The following URB1 variants were observed in gnomAD, a reference collection of about 807,000 sequenced individuals.
The protein encoded by URB1 is URB1 ribosome biogenesis factor, also known as nucleolar pre-ribosomal-associated protein 1.
URB1 carries 197 observed loss-of-function variants against 242.3 expected under a neutral mutation model. The ratio of observed to expected loss-of-function variants is 0.81; its 90% CI spans 0.72 to 0.91. The LOEUF (loss-of-function observed/expected upper bound fraction) is 0.91, where lower values mean the gene tolerates loss of function less well. Ranked by LOEUF, URB1 falls within the 40% of genes least tolerant of loss-of-function variation. The pLI is 0.00. For synonymous variants in URB1, 1,153 were observed against 1,201.8 expected, an observed-to-expected ratio of 0.96 and a Z score of 0.84; for missense variants, 2,721 against 2,860.5, an observed-to-expected ratio of 0.95 and a Z score of 1.11.
In URB1 at chr21:32,334,346, A is replaced by G. The variant is rs1005550059; in HGVS notation, c.4686-12T>C. The G allele has an allele frequency of 2.0e-6, 3 of 1,536,970 alleles. No individual in the cohort carries two copies. The African/African-American group carries it at 4.1e-5, about 21-fold the overall frequency. On this transcript the variant is annotated splice_polypyrimidine_tract_variant and intron_variant, in intron 28 of 38. Transcript: ENST00000382751. ...CCCACAGCAGCACCCTAGAGCCAGA[A>G]AAGGGAAAAGAGACTGGTCACAGAG... is the stretch of plus-strand genomic sequence containing the variant.
chr21:32,318,062 G>T, intron 36 of URB1, 145 bp from the exon 37 acceptor site: 1 of 1,127,678 alleles, frequency 8.9e-7, no homozygotes, highest in Non-Finnish European at 1.2e-6. Context: ...CAGACATCTA[G>T]CATGGGCCCC....
intron 4 of URB1, among the ~76,000 whole-genome samples, chr21:32,381,874 G>A (rs1200465394): frequency 6.6e-6 from 1 of 152,130 alleles, no homozygotes; most frequent in East Asian, 1.9e-4. Flanking sequence ...GGTTCCTCAC[G>A]CTGCTCTATT....
intron 30 of URB1, among the ~76,000 whole-genome samples, chr21:32,328,122 C>A (rs566764938): frequency 1.1e-4 from 16 of 152,268 alleles, no homozygotes; most frequent in East Asian, 5.8e-4. Context: ...AGTTTAGGAA[C>A]AAAATTTTCT....
intron 36 of URB1, 60 bp from the exon 37 acceptor site, chr21:32,317,977 C>T (rs2032714467): frequency 6.5e-7 from 1 of 1,537,382 alleles, no homozygotes; most frequent in Non-Finnish European, 8.8e-7. Context: ...TGGCAGTCAG[C>T]ACTGCGGCAC....
At chr21:32,383,297 T>G in intron 4 of URB1, 125 bp downstream of exon 4, 1 of 1,270,524 alleles carries the variant, frequency 7.9e-7, no homozygotes, top group East Asian at 2.7e-5. Flanking sequence ...GACACACACC[T>G]TTCTACATAG....
At position 32,341,447 on chromosome 21, in the gene URB1, G is replaced by C; in HGVS notation, c.4316+19C>G. 1 of 1,551,118 alleles carries C rather than the reference G, an allele frequency of 6.4e-7. No individual in the cohort carries two copies. The highest frequency in any genetic ancestry group is 8.7e-7 in the Non-Finnish European group (1 of 1,146,708). ...TCACACCTTTACCGAAGGGCACCAAGAAAATAAAATCAACTTACTTGAGTC... is the reference window on the plus strand; with the variant it reads ...TCACACCTTTACCGAAGGGCACCAACAAAATAAAATCAACTTACTTGAGTC... On this transcript the variant is annotated intron_variant, in intron 25 of 38. Transcript: ENST00000382751.
intron 23 of URB1, among the ~76,000 whole-genome samples, chr21:32,344,984 C>G (rs118080576): frequency 6.6e-6 from 1 of 152,172 alleles, no homozygotes; most frequent in African/African-American, 2.4e-5. Context: ...GAAAAGGACA[C>G]GTATGTCCAG....
Position 32,334,290 on chromosome 21 carries a change from C to A in URB1, c.4730G>T (p.Cys1577Phe). The change falls in exon 29 of 39, where the codon TGC becomes TTC. Residue 1577 changes from cysteine to phenylalanine, a missense_variant. Transcript: ENST00000382751. Reference sequence around the variant, plus strand: ...CCACAGTGACCTGCCCAGGCTCCGGCACGTCTTGTGATGCTCCACGGCCGC... The same window carrying A: ...CCACAGTGACCTGCCCAGGCTCCGGAACGTCTTGTGATGCTCCACGGCCGC... Reference protein sequence around the residue: ...GPAAVEHHKTCRSLGRSLWQQ... With the variant: ...GPAAVEHHKTFRSLGRSLWQQ... 6.4e-7 allele frequency: 1 copy of A among 1,551,552 alleles called. No individual in the cohort carries two copies. The highest frequency in any genetic ancestry group is 8.7e-7 in the Non-Finnish European group (1 of 1,146,934).
At chr21:32,377,163 G>GT (rs535925889) in intron 5 of URB1, 225 of 516,586 alleles carry the variant, frequency 4.4e-4, no homozygotes, top group Non-Finnish European at 6.7e-4. Flanking sequence ...TATCTTAAAA[G>GT]TTTTTTTATC....
At chr21:32,321,403 G>A (rs1303494829) in intron 34 of URB1, among the ~76,000 whole-genome samples, 1 of 152,084 alleles carries the variant, frequency 6.6e-6, no homozygotes, top group Admixed American at 6.5e-5. Context: ...GTGGAATCCT[G>A]GTGATTCAAA....
At chr21:32,316,102 C>A (rs956511648) in intron 38 of URB1, among the ~76,000 whole-genome samples, 2 of 152,246 alleles carry the variant, frequency 1.3e-5, no homozygotes, top group Non-Finnish European at 2.9e-5. Context: ...AGCATACGCA[C>A]GCACGCGCAC....
intron 24 of URB1, among the ~76,000 whole-genome samples, chr21:32,342,206 C>T (rs1221227846): frequency 6.6e-6 from 1 of 152,132 alleles, no homozygotes; most frequent in Non-Finnish European, 1.5e-5. Flanking sequence ...TTGTAATTAG[C>T]CTTTTATTAA....
rs2032604019 is a variant in URB1, at chr21:32,312,408, C to T, written c.*2510G>A. On this transcript the variant is annotated 3_prime_UTR_variant, in exon 39 of 39. Coordinates refer to ENST00000382751, the MANE Select transcript of URB1 (RefSeq NM_014825.3). The stretch of plus-strand genomic sequence containing the variant: ...TTAGGATGCTGGGTAAGTTCCCATC[C>T]AAGCTCCACTAACACCCGCCGGCTC... 1.1e-6 allele frequency: 1 copy of T among 944,202 alleles called. No homozygotes were observed. The highest frequency in any genetic ancestry group is 1.4e-6 in the Non-Finnish European group (1 of 737,340). The allele number at this position is 944,202 out of a possible 1,614,324, so 58.5% of individuals were successfully genotyped here. A position where few individuals can be genotyped will look rare whatever the true frequency, so the allele number is the denominator to read the frequency against.
intron 35 of URB1, among the ~76,000 whole-genome samples, chr21:32,320,092 AC>A (rs1568807497): frequency 6.6e-6 from 1 of 152,200 alleles, no homozygotes; most frequent in Non-Finnish European, 1.5e-5. Context: ...GAGGACAGAG[AC>A]CCTGCACTGA....
intron 1 of URB1, among the ~76,000 whole-genome samples, chr21:32,386,932 C>T (rs1366794954): frequency 1.3e-5 from 2 of 151,856 alleles, no homozygotes; most frequent in East Asian, 3.9e-4. Flanking sequence ...ATGATTCCTG[C>T]TCATGCAATG....
rs766179863 is a variant in URB1, at chr21:32,344,583, A to C, written c.4244T>G (p.Leu1415Ter). 1.3e-6 allele frequency: 2 copies of C among 1,552,266 alleles called. No individual in the cohort carries two copies. The highest frequency in any genetic ancestry group is 2.4e-5 in the South Asian group (2 of 84,014). Residue 1415 changes from leucine (L) to a stop codon, truncating the protein, a stop_gained, in exon 24 of 39, where the codon TTA becomes TGA. Coordinates refer to ENST00000382751, the MANE Select transcript of URB1 (RefSeq NM_014825.3). LOFTEE classifies it high-confidence loss of function. ...QNQEKEMLLR[L>*]NALLHALNEV... Reference sequence around the variant, plus strand: ...AAAGACACTTACCAACAACGCATTTAATCTAAGCAGCATTTCCTTCTCCTG... The same window carrying C: ...AAAGACACTTACCAACAACGCATTTCATCTAAGCAGCATTTCCTTCTCCTG...
At position 32,336,968 on chromosome 21, in the gene URB1, T is replaced by TG. The variant is rs1377654071; in HGVS notation, c.4685+125dup. 15 of 934,360 alleles carry TG rather than the reference T, an allele frequency of 1.6e-5. 1 individual carries two copies. In the Admixed American group the frequency reaches 2.9e-4, roughly 18 times the overall value. 57.9% of individuals were successfully genotyped at this position (934,360 alleles called of 1,614,324 possible). ...CAGAAGCCAGTGTGAGTCAGGGGAG[T>TG]GCTGCCTGCCTCACTCTTTCCCTGA... is the stretch of plus-strand genomic sequence containing the variant. On this transcript the variant is annotated intron_variant, in intron 28 of 38. Transcript: ENST00000382751.
In URB1 at chr21:32,347,255, G is replaced by A. The variant is rs573765351; in HGVS notation, c.3569C>T (p.Thr1190Met). The A allele has an allele frequency of 6.6e-5, 103 of 1,550,942 alleles. No individual in the cohort carries two copies. Among genetic ancestry groups the A allele is most frequent in the African/African-American group, 4.6e-4 (34 of 73,188 alleles). The change falls in exon 22 of 39, where the codon ACG becomes ATG. Residue 1190 changes from threonine to methionine, a missense_variant. Coordinates refer to ENST00000382751, the MANE Select transcript of URB1 (RefSeq NM_014825.3). Reference protein sequence around the residue: ...YVRGLGALLPTLAVDELDTVL... With the variant: ...YVRGLGALLPMLAVDELDTVL... Reference sequence around the variant, plus strand: ...TGTGTCCAGCTCGTCCACTGCTAGCGTGGGCAGCAGAGCCCCCAGGCCTCT... The same window carrying A: ...TGTGTCCAGCTCGTCCACTGCTAGCATGGGCAGCAGAGCCCCCAGGCCTCT...
intron 25 of URB1, among the ~76,000 whole-genome samples, chr21:32,340,388 G>A (rs2033015409): frequency 6.6e-6 from 1 of 152,088 alleles, no homozygotes; most frequent in African/African-American, 2.4e-5. Flanking sequence ...GAGGCAGGTG[G>A]ATTACCTGAG....
Sources: allele counts gnomAD v4.1 joint callset (sites outside exome capture counted in the v4.1 genomes callset), GRCh38; gene constraint gnomAD v4.1.1; transcripts MANE v1.5; gene names NCBI Gene and HGNC (gene_info 2026-07-23, HGNC 2026-07-21).